The following UCHL3 variants were observed in gnomAD, a reference collection of about 807,000 sequenced individuals.
UCHL3 encodes ubiquitin carboxyl-terminal hydrolase isozyme L3.
A neutral mutation model predicts 35.8 loss-of-function variants in UCHL3; 22 were observed. The observed-to-expected ratio is 0.61, with a 90% confidence interval of 0.44 to 0.88. The LOEUF (loss-of-function observed/expected upper bound fraction) is 0.88, where lower values mean the gene tolerates loss of function less well. Ranked by LOEUF, UCHL3 falls within the 40% of genes least tolerant of loss-of-function variation. The pLI, the probability that UCHL3 is intolerant of heterozygous loss-of-function variation, is 0.00. For missense variants in UCHL3, 229 were observed against 276.9 expected (o/e 0.83, Z 1.23); for synonymous variants, 90 against 92.8 (o/e 0.97, Z 0.17).
chr13:75,549,678 G>A (rs928916227), upstream of UCHL3: 158 of 896,542 alleles, frequency 1.8e-4, no homozygotes, highest in Middle Eastern at 7.1e-4. Context: ...AGGGTGAGAG[G>A]CCCGTCAAAC....
rs1234039274 is a variant in UCHL3 at position 75,605,706 on chromosome 13, A to G, written c.610-23A>G. ...TAAAACACTTTTACACTGAAAAATC[A>G]TACTTTTTTTTTTCCTCCATAGGAT... is the stretch of plus-strand genomic sequence containing the variant. On this transcript the variant is annotated intron_variant, in intron 8 of 8. Coordinates refer to ENST00000377595, the MANE Select transcript of UCHL3 (RefSeq NM_006002.5). 6 of 1,607,508 alleles carry G rather than the reference A, an allele frequency of 3.7e-6. No homozygotes were observed. In the African/African-American group the frequency reaches 4.0e-5, roughly 11 times the overall value.
intron 6 of UCHL3, among the ~76,000 whole-genome samples, chr13:75,591,626 GT>G (rs1263190388): frequency 6.6e-6 from 1 of 152,070 alleles, no homozygotes. Context: ...AGCTTTAAAT[GT>G]TTTTGTAGCT....
intron 7 of UCHL3, among the ~76,000 whole-genome samples, chr13:75,597,581 T>A (rs759697887): frequency 6.6e-6 from 1 of 152,206 alleles, no homozygotes; most frequent in African/African-American, 2.4e-5. Context: ...TTATGTATGA[T>A]AAGTAATCTA....
rs2031222557 is a variant in UCHL3, at chr13:75,554,455, CAGAT to C, written c.54+4469_54+4472del. Among the ~76,000 whole-genome samples the C allele has an allele frequency of 3.3e-5, 5 of 152,352 alleles. No individual in the cohort carries two copies. The South Asian group carries it at 1.0e-3, about 32-fold the overall frequency. ...TTTTAATATTCTATTTCTCATTCCTCAGATCTAATTGATCTGCAACTCTTATGGA... is the reference window on the plus strand; with the variant it reads ...TTTTAATATTCTATTTCTCATTCCTCCTAATTGATCTGCAACTCTTATGGA... On this transcript the variant is annotated intron_variant, in intron 2 of 8. Transcript: ENST00000377595.
chr13:75,595,058 C>G, intron 7 of UCHL3, 68 bp downstream of exon 7: 1 of 1,185,910 alleles, frequency 8.4e-7, no homozygotes. Context: ...TTATGATAAA[C>G]AGGACTATTG....
chr13:75,579,155 T>C (rs546512822), intron 6 of UCHL3, among the ~76,000 whole-genome samples: 10 of 152,132 alleles, frequency 6.6e-5, no homozygotes, highest in Admixed American at 1.3e-4. Flanking sequence ...TTGGAATTTA[T>C]TTCCTCTTCC....
intron 6 of UCHL3, among the ~76,000 whole-genome samples, chr13:75,584,029 G>A (rs182501890): frequency 2.2e-4 from 33 of 152,274 alleles, no homozygotes; most frequent in East Asian, 3.9e-4. Context: ...TGGGAAAGGC[G>A]TGAAGCCTGG....
intron 6 of UCHL3, among the ~76,000 whole-genome samples, chr13:75,574,888 C>A (rs1032260318): frequency 2.6e-5 from 4 of 152,080 alleles, no homozygotes; most frequent in African/African-American, 9.7e-5. Flanking sequence ...GGCGAGATAT[C>A]TGGAGTCTTT....
chr13:75,585,645 A>G (rs993073358), intron 6 of UCHL3, among the ~76,000 whole-genome samples: 1 of 152,148 alleles, frequency 6.6e-6, no homozygotes, highest in African/African-American at 2.4e-5. Flanking sequence ...TTTACATTTC[A>G]GTAAAAGATG....
intron 6 of UCHL3, among the ~76,000 whole-genome samples, chr13:75,587,017 C>A (rs375988465): frequency 0.016 from 1,602 of 98,216 alleles, no homozygotes; most frequent in Middle Eastern, 0.029. Context: ...CTTAAGGTAG[C>A]AAAAAAAAAA....
chr13:75,574,671 A>C (rs1460790745), intron 6 of UCHL3, among the ~76,000 whole-genome samples: 1 of 152,190 alleles, frequency 6.6e-6, no homozygotes, highest in Admixed American at 6.5e-5. Context: ...GCATTCAATA[A>C]ATATTAGGCG....
chr13:75,559,007 A>G (rs1215800658), intron 2 of UCHL3, among the ~76,000 whole-genome samples: 2 of 146,276 alleles, frequency 1.4e-5, no homozygotes, highest in South Asian at 2.1e-4. Flanking sequence ...AGAGGAGCCC[A>G]TTGATCTCCT....
At chr13:75,583,559 G>A (rs948183922) in intron 6 of UCHL3, among the ~76,000 whole-genome samples, 4 of 152,140 alleles carry the variant, frequency 2.6e-5, no homozygotes, top group African/African-American at 9.7e-5. Flanking sequence ...AAGATAGTAA[G>A]CACTTGATAT....
Position 75,567,303 on chromosome 13 carries a change from G to A in UCHL3, c.417G>A (p.Glu139=). Residue 139 remains glutamate (E), a synonymous_variant, in exon 5 of 9, where the codon GAG becomes GAA. Coordinates refer to ENST00000377595, the MANE Select transcript of UCHL3 (RefSeq NM_006002.5). The part of the protein sequence containing the change: ...MSPEERARYL[E]NYDAIRVTHE... ...CTGAAGAACGAGCCAGATACCTGGA[G>A]AACTATGATGTCGGTACCTTCTTTC... 6.2e-7 allele frequency: 1 copy of A among 1,614,128 alleles called. No individual in the cohort carries two copies.
At chr13:75,579,133 A>T (rs1327024945) in intron 6 of UCHL3, among the ~76,000 whole-genome samples, 2 of 152,094 alleles carry the variant, frequency 1.3e-5, no homozygotes, top group Admixed American at 1.3e-4. Context: ...TCACATATTT[A>T]TTTCCCTCCT....
In UCHL3 at chr13:75,563,603, CAT is replaced by C. The variant is rs56868157; in HGVS notation, c.183+2724_183+2725del. Among the ~76,000 whole-genome samples, 409 of 152,244 alleles carry C rather than the reference CAT, an allele frequency of 2.7e-3. 1 individual carries two copies. Among genetic ancestry groups the C allele is most frequent in the African/African-American group, 9.0e-3 (373 of 41,536 alleles). ...AAGCAGATTAATATATCTATCATCA[CAT>C]AGTTACTTTTTTTGTTACAAGAGCA... On this transcript the variant is annotated intron_variant, in intron 3 of 8. Transcript: ENST00000377595.
chr13:75,580,150 A>G (rs1479223096), intron 6 of UCHL3, among the ~76,000 whole-genome samples: 1 of 152,160 alleles, frequency 6.6e-6, no homozygotes, highest in African/African-American at 2.4e-5. Flanking sequence ...TCCATGGAAT[A>G]TGTAGTGGTA....
At chr13:75,596,281 AGTGATTTGAGGAG>A (rs2032644348) in intron 7 of UCHL3, among the ~76,000 whole-genome samples, 2 of 152,346 alleles carry the variant, frequency 1.3e-5, no homozygotes, top group African/African-American at 4.8e-5. Flanking sequence ...ACAATACTAG[AGTGATTTGAGGAG>A]TAATAAAACT....
chr13:75,567,000 G>C, intron 4 of UCHL3, 149 bp downstream of exon 4: 1 of 1,012,834 alleles, frequency 9.9e-7, no homozygotes, highest in South Asian at 1.8e-5. Flanking sequence ...ACTGTTAGAA[G>C]AAATATTAAT....
Sources: allele counts gnomAD v4.1 joint callset (sites outside exome capture counted in the v4.1 genomes callset), GRCh38; gene constraint gnomAD v4.1.1; transcripts MANE v1.5; gene names NCBI Gene and HGNC (gene_info 2026-07-23, HGNC 2026-07-21).